Variants in ANKRD62 observed in about 807,000 individuals in gnomAD.
ANKRD62 encodes the protein ankyrin repeat domain-containing protein 62.
In ANKRD62, 61 loss-of-function variants were observed where a neutral mutation model predicts 98.8. That is an observed-to-expected ratio of 0.62 (90% confidence interval 0.50 to 0.76). The LOEUF is 0.76. Among genes scored for constraint, ANKRD62 ranks in the 30% least tolerant of loss-of-function variants. The pLI, the probability that ANKRD62 is intolerant of heterozygous loss-of-function variation, is 0.00. For synonymous variants in ANKRD62, 341 were observed against 367.9 expected (o/e 0.93, Z 0.84); for missense variants, 933 against 1,082.9 (o/e 0.86, Z 1.94).
chr18:12,127,692 C>T (rs1909921721), intron 13 of ANKRD62, 56 bp from the exon 14 acceptor site: 21 of 1,264,640 alleles, frequency 1.7e-5, no homozygotes, highest in Non-Finnish European at 2.1e-5. Flanking sequence ...ATATTATTAA[C>T]AAAATTTAAT....
intron 10 of ANKRD62, among the ~76,000 whole-genome samples, chr18:12,119,372 A>G (rs1412938637): frequency 1.4e-5 from 2 of 145,074 alleles, no homozygotes; most frequent in Non-Finnish European, 3.0e-5. Context: ...TTCTGAAACC[A>G]GTAGTATAAC....
chr18:12,152,894 C>T, the ANKRD62 span, among the ~76,000 whole-genome samples: 1 of 152,034 alleles, frequency 6.6e-6, no homozygotes, highest in African/African-American at 2.4e-5. Context: ...ATTCCATTTC[C>T]AAAGAAAAGA....
At chr18:12,115,147 A>G (rs1909633981) in intron 9 of ANKRD62, 26 bp downstream of exon 9, 2 of 1,394,212 alleles carry the variant, frequency 1.4e-6, no homozygotes, top group Non-Finnish European at 1.9e-6. Flanking sequence ...ATTGTCAAGA[A>G]TGCTGTTGAA....
At chr18:12,157,032 G>A in the ANKRD62 span, among the ~76,000 whole-genome samples, 28 of 152,202 alleles carry the variant, frequency 1.8e-4, no homozygotes, top group East Asian at 1.2e-3. Context: ...CCTCGGCCCC[G>A]CAAAGTGCTG....
chr18:12,137,715 T>G, the ANKRD62 span, among the ~76,000 whole-genome samples: 1 of 152,222 alleles, frequency 6.6e-6, no homozygotes, highest in African/African-American at 2.4e-5. Flanking sequence ...AATTATTGCC[T>G]CAATTTCAGA....
the ANKRD62 span, among the ~76,000 whole-genome samples, chr18:12,165,888 T>C: frequency 6.6e-6 from 1 of 152,212 alleles, no homozygotes; most frequent in South Asian, 2.1e-4. Flanking sequence ...TGAAGGATAT[T>C]TTTGCCAGAT....
the ANKRD62 span, among the ~76,000 whole-genome samples, chr18:12,174,449 C>T: frequency 6.6e-6 from 1 of 152,194 alleles, no homozygotes; most frequent in Non-Finnish European, 1.5e-5. Context: ...AACATACTCC[C>T]GTAGCTCAGT....
the ANKRD62 span, among the ~76,000 whole-genome samples, chr18:12,136,627 C>A: frequency 0.61 from 93,199 of 151,874 alleles, 29,036 homozygotes; most frequent in Middle Eastern, 0.76. Context: ...CTATAAATTA[C>A]CTTGGGCAGT....
the ANKRD62 span, among the ~76,000 whole-genome samples, chr18:12,152,177 CAAAAAAAAAA>C: frequency 4.8e-4 from 33 of 68,264 alleles, no homozygotes; most frequent in South Asian, 0.018. Context: ...GAAATGCTTC[CAAAAAAAAAA>C]AAAAAAAAAA....
In ANKRD62 at chr18:12,095,283, A is replaced by C. The variant is rs1179482370; in HGVS notation, c.331A>C (p.Lys111Gln). 6.5e-7 allele frequency: 1 copy of C among 1,540,190 alleles called. No individual in the cohort carries two copies. The stretch of plus-strand genomic sequence containing the variant: ...CAGTGAAAACAGGACAGCTCTGATC[A>C]AGGTATATGGTAGCCAACTCTTTCA... ...TDSENRTALI[K>Q]AVQCQEEVCA... Residue 111 changes from lysine to glutamine, a missense_variant and splice_region_variant, in exon 2 of 14, where the codon AAG becomes CAG. By Grantham distance (53) the Lys-to-Gln change is moderately conservative (BLOSUM62 1). Transcript: ENST00000587848.
At chr18:12,161,359 C>T in the ANKRD62 span, among the ~76,000 whole-genome samples, 1 of 152,084 alleles carries the variant, frequency 6.6e-6, no homozygotes, top group African/African-American at 2.4e-5. Flanking sequence ...CTCATTCTCT[C>T]ATATAATACG....
rs550343898 is a variant in ANKRD62, at chr18:12,126,270, A to G, written c.2449A>G (p.Lys817Glu). The change falls in exon 13 of 14, where the codon AAA (lysine) becomes GAA (glutamate). Residue 817 changes from lysine to glutamate, a missense_variant. Physicochemically the swap from Lys to Glu is moderately conservative, Grantham distance 56. Transcript: ENST00000587848. The stretch of plus-strand genomic sequence containing the variant: ...AGTCAAATGTGAAGATACTGTAGAA[A>G]AACTTCAAGCTGAGTGTAGAAAGCT... ...IQVKCEDTVEKLQAECRKLEE... is the reference protein window; with the variant it reads ...IQVKCEDTVEELQAECRKLEE... The G allele has an allele frequency of 1.0e-5, 16 of 1,536,044 alleles. No individual in the cohort carries two copies. The East Asian group carries it at 2.9e-4, about 28-fold the overall frequency.
the ANKRD62 span, among the ~76,000 whole-genome samples, chr18:12,153,839 A>G: frequency 1.3e-5 from 2 of 152,222 alleles, no homozygotes; most frequent in Non-Finnish European, 2.9e-5. Context: ...CAAAGCTAAC[A>G]GAAACAAGCA....
chr18:12,098,681 C>G (rs376391540), intron 5 of ANKRD62: 1 of 152,142 alleles, frequency 6.6e-6, no homozygotes, highest in Admixed American at 6.5e-5. Context: ...ATGAGAATGG[C>G]GCTGAGTAAA....
chr18:12,117,279 G>A (rs1447607191), intron 10 of ANKRD62, among the ~76,000 whole-genome samples: 1 of 152,122 alleles, frequency 6.6e-6, no homozygotes, highest in Non-Finnish European at 1.5e-5. Flanking sequence ...GATAGACTCT[G>A]CCATTGTAAT....
At chr18:12,114,771 G>A (rs1042215269) in intron 8 of ANKRD62, among the ~76,000 whole-genome samples, 2 of 151,932 alleles carry the variant, frequency 1.3e-5, no homozygotes, top group African/African-American at 4.8e-5. Context: ...AAAACCCCAG[G>A]ATACGTATTT....
the ANKRD62 span, among the ~76,000 whole-genome samples, chr18:12,137,467 T>C: frequency 6.6e-6 from 1 of 152,228 alleles, no homozygotes; most frequent in African/African-American, 2.4e-5. Flanking sequence ...TTATTGAAGA[T>C]TTTTGCATCA....
intron 10 of ANKRD62, among the ~76,000 whole-genome samples, chr18:12,116,295 C>A (rs779693343): frequency 2.6e-5 from 4 of 152,166 alleles, no homozygotes; most frequent in Admixed American, 6.6e-5. Context: ...TCCATCTGAT[C>A]AGCACAACAG....
At chr18:12,179,366 T>C in the ANKRD62 span, among the ~76,000 whole-genome samples, 5 of 135,550 alleles carry the variant, frequency 3.7e-5, 1 homozygote, top group African/African-American at 1.4e-4. Flanking sequence ...GTTAAAATTG[T>C]GGGAGAGAGT....
Sources: allele counts gnomAD v4.1 joint callset (sites outside exome capture counted in the v4.1 genomes callset), GRCh38; gene constraint gnomAD v4.1.1; transcripts MANE v1.5; gene names NCBI Gene and HGNC (gene_info 2026-07-23, HGNC 2026-07-21).